Variants in CMTM8 observed in about 807,000 individuals in gnomAD.
CMTM8 encodes the protein CKLF-like MARVEL transmembrane domain-containing protein 8.
CMTM8 carries 12 observed loss-of-function variants against 18.6 expected under a neutral mutation model. The ratio of observed to expected loss-of-function variants is 0.65; its 90% CI spans 0.41 to 1.05. CMTM8 has a LOEUF of 1.05. Among genes scored for constraint, CMTM8 ranks in the 50% least tolerant of loss-of-function variants. CMTM8 has a pLI of 0.00. For synonymous variants in CMTM8, 87 were observed against 90.6 expected, an observed-to-expected ratio of 0.96 and a Z score of 0.23; for missense variants, 217 against 227.2, an observed-to-expected ratio of 0.95 and a Z score of 0.29.
At chr3:32,301,575 C>T (rs1039484300) in intron 1 of CMTM8, among the ~76,000 whole-genome samples, 4 of 151,994 alleles carry the variant, frequency 2.6e-5, no homozygotes, top group African/African-American at 9.7e-5. Context: ...GGAGACACAG[C>T]CCTTGGGAGG....
chr3:32,315,824 T>C (rs1695917158), intron 1 of CMTM8, among the ~76,000 whole-genome samples: 1 of 152,138 alleles, frequency 6.6e-6, no homozygotes, highest in Admixed American at 6.5e-5. Flanking sequence ...ATTCCTAAAC[T>C]ATCTGGAGTT....
At chr3:32,246,761 GGAT>G (rs1702020990) in intron 1 of CMTM8, among the ~76,000 whole-genome samples, 1 of 152,098 alleles carries the variant, frequency 6.6e-6, no homozygotes, top group Non-Finnish European at 1.5e-5. Flanking sequence ...TGTTTTCTGA[GGAT>G]GATTACTTAG....
chr3:32,361,286 G>GTTTTTTTTTTGTTTTTTTGTTTTTT (rs58364646), intron 2 of CMTM8, among the ~76,000 whole-genome samples: 1 of 87,230 alleles, frequency 1.1e-5, no homozygotes. Context: ...CAGCCTAAGA[G>GTTTTTTTTTTGTTTTTTTGTTTTTT]TTTTTTTTTC....
At chr3:32,327,236 T>A (rs1696180422) in intron 1 of CMTM8, among the ~76,000 whole-genome samples, 1 of 152,224 alleles carries the variant, frequency 6.6e-6, no homozygotes, top group South Asian at 2.1e-4. Context: ...ATTGTATGCA[T>A]TCTCTTCTGA....
intron 1 of CMTM8, among the ~76,000 whole-genome samples, chr3:32,245,325 A>G (rs78256679): frequency 0.043 from 6,601 of 152,320 alleles, 504 homozygotes; most frequent in African/African-American, 0.15. Context: ...TCACTTGTCA[A>G]AATCGCTTGC....
chr3:32,287,812 G>A (rs76202312), intron 1 of CMTM8, among the ~76,000 whole-genome samples: 1 of 152,136 alleles, frequency 6.6e-6, no homozygotes, highest in African/African-American at 2.4e-5. Context: ...GGCTTTGGTT[G>A]TGAGTGAAGG....
In CMTM8 at chr3:32,319,074, A is replaced by ATTTTTTTTTTT. The variant is rs1177949113; in HGVS notation, c.148-38288_148-38278dup. ...TGTATATACATATATATATATATATATTTTTTTTTTTTTTTTTTTTTGAGA... is the reference window on the plus strand; with the variant it reads ...TGTATATACATATATATATATATATATTTTTTTTTTTTTTTTTTTTTTTTTTTTTTTTGAGA... On this transcript the variant is annotated intron_variant, in intron 1 of 3. Coordinates refer to ENST00000307526, the MANE Select transcript of CMTM8 (RefSeq NM_178868.5). Among the ~76,000 whole-genome samples the ATTTTTTTTTTT allele has an allele frequency of 2.6e-3, 83 of 31,530 alleles. 5 individuals carry two copies. In the East Asian group the frequency reaches 0.03, roughly 11 times the overall value. 20.7% of individuals were successfully genotyped at this position (31,530 alleles called of 152,430 possible).
At chr3:32,350,552 G>T (rs947408109) in intron 1 of CMTM8, among the ~76,000 whole-genome samples, 26 of 146,618 alleles carry the variant, frequency 1.8e-4, no homozygotes, top group African/African-American at 6.0e-4. Flanking sequence ...ACGGAGTCTC[G>T]CTCTGTCACC....
At chr3:32,354,379 G>A (rs1696771822) in intron 1 of CMTM8, among the ~76,000 whole-genome samples, 1 of 152,070 alleles carries the variant, frequency 6.6e-6, no homozygotes, top group African/African-American at 2.4e-5. Context: ...TTCTTTTCTT[G>A]ACAGAGACAT....
chr3:32,258,708 A>C (rs563352793), intron 1 of CMTM8, among the ~76,000 whole-genome samples: 1 of 151,994 alleles, frequency 6.6e-6, no homozygotes, highest in Non-Finnish European at 1.5e-5. Context: ...ATGGGGTCTC[A>C]GTTTGGTGCC....
intron 1 of CMTM8, among the ~76,000 whole-genome samples, chr3:32,311,356 T>G (rs1172761853): frequency 6.6e-6 from 1 of 152,226 alleles, no homozygotes; most frequent in Non-Finnish European, 1.5e-5. Context: ...AAGGACAGAG[T>G]TGAATCATTG....
intron 1 of CMTM8, among the ~76,000 whole-genome samples, chr3:32,242,527 C>T (rs1162327217): frequency 2.0e-5 from 3 of 152,170 alleles, no homozygotes; most frequent in Admixed American, 6.5e-5. Flanking sequence ...AGGGTTTCGC[C>T]ATGTTGCTCA....
intron 1 of CMTM8, among the ~76,000 whole-genome samples, chr3:32,242,109 A>G (rs952723111): frequency 6.6e-6 from 1 of 152,040 alleles, no homozygotes; most frequent in African/African-American, 2.4e-5. Context: ...TCCCATGTCC[A>G]GTGTCCTCTG....
intron 1 of CMTM8, among the ~76,000 whole-genome samples, chr3:32,302,093 G>T (rs913568334): frequency 6.6e-6 from 1 of 151,554 alleles, no homozygotes; most frequent in African/African-American, 2.4e-5. Flanking sequence ...AACGCTTTGG[G>T]GGGCCAAGGC....
rs1300760199 is a variant in CMTM8 at position 32,358,229 on chromosome 3, G to C, written c.321+683G>C. On this transcript the variant is annotated intron_variant, in intron 2 of 3. Transcript: ENST00000307526. The surrounding 1 kb of genome is among the most constrained non-coding windows in gnomAD (Gnocchi z 4.1). ...GATGGAGGCTGCCACCTCAGCTTAG[G>C]ATGGCTGGGAACTCTTCAGAGAGGA... 6.6e-6 allele frequency among the ~76,000 whole-genome samples: 1 copy of C among 152,184 alleles called. No individual in the cohort carries two copies. Among genetic ancestry groups the C allele is most frequent in the Non-Finnish European group, 1.5e-5 (1 of 68,030 alleles).
Position 32,295,990 on chromosome 3 carries a change from A to G in CMTM8, c.147+56871A>G, listed in dbSNP as rs79265131. Among the ~76,000 whole-genome samples the G allele has an allele frequency of 1.4e-3, 209 of 152,134 alleles. 4 individuals are homozygous for G. The East Asian group carries it at 0.038, about 28-fold the overall frequency. On this transcript the variant is annotated intron_variant, in intron 1 of 3. Transcript: ENST00000307526. ...TGCCCACCTCACCTGGCTAATATCT[A>G]TATATCCTTTAAATCCTTTTGTTCT... is the stretch of plus-strand genomic sequence containing the variant.
chr3:32,247,406 A>G (rs776991400), intron 1 of CMTM8, among the ~76,000 whole-genome samples: 3 of 152,236 alleles, frequency 2.0e-5, no homozygotes, highest in Non-Finnish European at 2.9e-5. Flanking sequence ...TCCGCCTCCC[A>G]GGTTCAAGCA....
rs148664282 is a variant in CMTM8, at chr3:32,341,834, C to T, written c.148-15539C>T. 2.7e-3 allele frequency among the ~76,000 whole-genome samples: 396 copies of T among 147,550 alleles called. 2 individuals are homozygous for T. Among genetic ancestry groups the T allele is most frequent in the African/African-American group, 9.2e-3 (368 of 40,034 alleles). The stretch of plus-strand genomic sequence containing the variant: ...GGAGGTTGCAGTGAGCCAAGGTTGC[C>T]GCTGCACTCTAGCCTGGGCGACAGA... On this transcript the variant is annotated intron_variant, in intron 1 of 3. Transcript: ENST00000307526.
At chr3:32,265,367 G>A (rs886833379) in intron 1 of CMTM8, among the ~76,000 whole-genome samples, 4 of 152,140 alleles carry the variant, frequency 2.6e-5, no homozygotes, top group African/African-American at 7.2e-5. Context: ...GGTACATAAC[G>A]GAATGAAGGC....
Sources: gnomAD v4.1 joint callset for allele counts (sites outside exome capture counted in the v4.1 genomes callset) on GRCh38, gnomAD v4.1.1 for gene constraint, Gnocchi (gnomAD v3.1) non-coding constraint, MANE v1.5 for transcripts, NCBI Gene and HGNC (gene_info 2026-07-23, HGNC 2026-07-21) for gene names.